The following NPC1L1 variants were observed in gnomAD, a reference collection of about 807,000 sequenced individuals.
The protein encoded by NPC1L1 is NPC1 like intracellular cholesterol transporter 1.
Under a neutral mutation model 117.0 loss-of-function variants are expected in NPC1L1, and 98 were observed. The ratio of observed to expected loss-of-function variants is 0.84; its 90% CI spans 0.71 to 0.99. The LOEUF is 0.99. Ranked by LOEUF, NPC1L1 falls within the 50% of genes least tolerant of loss-of-function variation. NPC1L1 has a pLI of 0.00. For missense variants in NPC1L1, 1,540 were observed against 1,710.0 expected (o/e 0.90, Z 1.75); for synonymous variants, 729 against 727.6 (o/e 1.00, Z -0.03).
In NPC1L1 at chr7:44,533,794, C is replaced by A; in HGVS notation, c.2226G>T (p.Arg742Ser). 1 of 1,614,026 alleles carries A rather than the reference C, an allele frequency of 6.2e-7. No individual in the cohort carries two copies. The highest frequency in any genetic ancestry group is 1.3e-5 in the African/African-American group (1 of 75,068). The part of the protein sequence containing the change: ...REVHIGRALG[R>S]VAPSMLLCSL... ...TGCACAACAGCATGCTGGGAGCCAC[C>A]CTGCCTAGGGCTCGCCCAATGTGGA... is the stretch of plus-strand genomic sequence containing the variant. Residue 742 changes from arginine to serine, a missense_variant, in exon 7 of 19, where the codon AGG becomes AGT. Around this residue, in one of 3 missense-constraint regions of NPC1L1, gnomAD observed 742 missense variants for 873.6 expected, o/e 0.85. Coordinates refer to ENST00000381160, the MANE Select transcript of NPC1L1 (RefSeq NM_001101648.2).
rs1308688848 is a variant in NPC1L1 at position 44,538,515 on chromosome 7, G to T, written c.1580+302C>A. 6.6e-6 allele frequency among the ~76,000 whole-genome samples: 1 copy of T among 152,256 alleles called. No individual in the cohort carries two copies. ...GGCTCCTCTGTCAGACTTAAAGCAA[G>T]AGTGTGGCAGGGAGCTCCCACATGT... On this transcript the variant is annotated intron_variant, in intron 2 of 18. Transcript: ENST00000381160. The surrounding 1 kb of genome is among the most constrained non-coding windows in gnomAD (Gnocchi z 5.9).
In NPC1L1 at chr7:44,538,668, T is replaced by G. The variant is rs1801973318; in HGVS notation, c.1580+149A>C. The G allele has an allele frequency of 5.1e-6, 4 of 781,226 alleles. No individual in the cohort carries two copies. In the South Asian group the frequency reaches 5.9e-5, roughly 12 times the overall value. 48.4% of individuals were successfully genotyped at this position (781,226 alleles called of 1,614,324 possible). ...GCGGCCGGACGAGGGGCAGAGATAA[T>G]CATCTGGGCGGCCCCAGGCCAGAGC... On this transcript the variant is annotated intron_variant, in intron 2 of 18. Transcript: ENST00000381160. The surrounding 1 kb of genome is among the most constrained non-coding windows in gnomAD (Gnocchi z 5.9).
intron 12 of NPC1L1, 60 bp from the exon 13 acceptor site, chr7:44,521,178 G>A (rs1801342628): frequency 6.2e-7 from 1 of 1,610,362 alleles, no homozygotes; most frequent in African/African-American, 1.3e-5. Flanking sequence ...CCTGCTTTGT[G>A]CCCCTCCTTC....
intron 10 of NPC1L1, among the ~76,000 whole-genome samples, chr7:44,524,884 CA>C (rs1801463228): frequency 6.6e-6 from 1 of 151,468 alleles, no homozygotes; most frequent in African/African-American, 2.4e-5. Context: ...TAAAAAAGAG[CA>C]AAAAAACTCT....
Position 44,538,324 on chromosome 7 carries a change from C to A in NPC1L1, c.1580+493G>T, listed in dbSNP as rs937328882. On this transcript the variant is annotated intron_variant, in intron 2 of 18. Coordinates refer to ENST00000381160, the MANE Select transcript of NPC1L1 (RefSeq NM_001101648.2). This position sits in a 1 kb window ranked among gnomAD's most constrained non-coding sequence, Gnocchi z 5.9. ...GAAGTGTGTGTGGCTGTGGCCTACC[C>A]CAGGACACCCGGCCCAGGTGCCTGA... Among the ~76,000 whole-genome samples the A allele has an allele frequency of 6.6e-6, 1 of 152,234 alleles. No homozygotes were observed. The highest frequency in any genetic ancestry group is 2.4e-5 in the African/African-American group (1 of 41,466).
intron 2 of NPC1L1, 119 bp from the exon 3 acceptor site, chr7:44,537,061 G>C (rs576385840): frequency 4.0e-6 from 3 of 758,718 alleles, no homozygotes; most frequent in Admixed American, 5.6e-5. Context: ...CTGGTGGGGT[G>C]GGGGACACTG....
chr7:44,523,607 T>C (rs535563605), intron 10 of NPC1L1, among the ~76,000 whole-genome samples: 21 of 152,182 alleles, frequency 1.4e-4, no homozygotes, highest in African/African-American at 4.6e-4. Flanking sequence ...GGCTTACACT[T>C]GTAATTTCAG....
Position 44,534,686 on chromosome 7 carries a change from C to A in NPC1L1, c.1984-57G>T, listed in dbSNP as rs1347565791. The A allele has an allele frequency of 6.3e-7, 1 of 1,588,774 alleles. No individual in the cohort carries two copies. On this transcript the variant is annotated intron_variant, in intron 5 of 18. Coordinates refer to ENST00000381160, the MANE Select transcript of NPC1L1 (RefSeq NM_001101648.2). The surrounding 1 kb of genome is among the most constrained non-coding windows in gnomAD (Gnocchi z 5.2). ...ACTTAGCACCTACCCAGTATGCCCA[C>A]CAGCCTCAGCTAGGCCAGACAAAGT...
chr7:44,514,262 G>A (rs896652504), intron 18 of NPC1L1, among the ~76,000 whole-genome samples: 1 of 152,184 alleles, frequency 6.6e-6, no homozygotes, highest in African/African-American at 2.4e-5. Context: ...TGCCCACCCT[G>A]AGAGCCAGAA....
Position 44,521,566 on chromosome 7 carries a change from C to T in NPC1L1, c.2953+146G>A, listed in dbSNP as rs543375895. ...GGTGCTTCTCACAGAGTGCCTGTCC[C>T]TCAGGCCACATCTGCACCCATGCCC... On this transcript the variant is annotated intron_variant, in intron 12 of 18. Transcript: ENST00000381160. The T allele has an allele frequency of 6.0e-6, 8 of 1,326,214 alleles. 1 individual carries two copies. The South Asian group carries it at 8.4e-5, about 14-fold the overall frequency. 82.2% of individuals were successfully genotyped at this position (1,326,214 alleles called of 1,614,324 possible).
chr7:44,536,766 TC>T lies in NPC1L1; in HGVS notation c.1681+75del. On this transcript the variant is annotated intron_variant, in intron 3 of 18. Transcript: ENST00000381160. This position sits in a 1 kb window ranked among gnomAD's most constrained non-coding sequence, Gnocchi z 4.7. Reference sequence around the variant, plus strand: ...AGGCCGCGAGAATCCCCAGCACCACTCCCACCCTCCCGTCTATGGTTCCTGC... The same window carrying T: ...AGGCCGCGAGAATCCCCAGCACCACTCCACCCTCCCGTCTATGGTTCCTGC... 1 of 1,325,310 alleles carries T rather than the reference TC, an allele frequency of 7.5e-7. No homozygotes were observed. Among genetic ancestry groups the T allele is most frequent in the Non-Finnish European group, 1.1e-6 (1 of 922,980 alleles). 82.1% of individuals were successfully genotyped at this position (1,325,310 alleles called of 1,614,324 possible). A position where few individuals can be genotyped will look rare whatever the true frequency, so the allele number is the denominator to read the frequency against.
Position 44,513,556 on chromosome 7 carries a change from G to T in NPC1L1, c.3890C>A (p.Ser1297Tyr), listed in dbSNP as rs750128847. Residue 1297 changes from serine to tyrosine, a missense_variant, in exon 19 of 19, where the codon TCC (serine) becomes TAC (tyrosine). Ser to Tyr is a moderately radical substitution (Grantham distance 144). Around this residue, in one of 3 missense-constraint regions of NPC1L1, gnomAD observed 742 missense variants for 873.6 expected, o/e 0.85. Coordinates refer to ENST00000381160, the MANE Select transcript of NPC1L1 (RefSeq NM_001101648.2). ...GATGTTGTCAGCTGTGGAGACTCGG[G>T]AGGGGTGATTTGGGCAAGAGGCCAC... The part of the protein sequence containing the change: ...VMVASCPNHP[S>Y]RVSTADNIYV... 1 of 1,614,030 alleles carries T rather than the reference G, an allele frequency of 6.2e-7. No homozygotes were observed. Among genetic ancestry groups the T allele is most frequent in the African/African-American group, 1.3e-5 (1 of 74,920 alleles).
Position 44,538,874 on chromosome 7 carries a change from G to A in NPC1L1, c.1523C>T (p.Thr508Ile). 1 of 1,614,224 alleles carries A rather than the reference G, an allele frequency of 6.2e-7. No homozygotes were observed. Among genetic ancestry groups the A allele is most frequent in the Admixed American group, 1.7e-5 (1 of 60,032 alleles). Residue 508 changes from threonine (T) to isoleucine (I), a missense_variant, in exon 2 of 19, where the codon ACA (threonine) becomes ATA (isoleucine). This residue lies in a region of NPC1L1 where 793 missense variants were observed against 820.4 expected (regional missense o/e 0.97). Coordinates refer to ENST00000381160, the MANE Select transcript of NPC1L1 (RefSeq NM_001101648.2). This position sits in a 1 kb window ranked among gnomAD's most constrained non-coding sequence, Gnocchi z 5.9. ...RTLLLLTANQ[T>I]LMGQTSQVDW... ...GACTTGGGAGGTCTGCCCCATCAGT[G>A]TCTGGTTGGCTGTGAGCAGCAGGAG... is the stretch of plus-strand genomic sequence containing the variant.
At position 44,522,051 on chromosome 7, in the gene NPC1L1, C is replaced by T; in HGVS notation, c.2828+1G>A. 1 of 1,613,720 alleles carries T rather than the reference C, an allele frequency of 6.2e-7. No homozygotes were observed. Among genetic ancestry groups the T allele is most frequent in the Non-Finnish European group, 8.5e-7 (1 of 1,179,812 alleles). On this transcript the variant is annotated splice_donor_variant, in intron 11 of 18. Transcript: ENST00000381160. LOFTEE classifies it high-confidence loss of function. ...GGGTTTGGGGCGGGCCAGGAACTCA[C>T]TGCTCAGGGAACTCTGTGGCATACT...
rs1202320163 is a variant in NPC1L1 at position 44,520,836 on chromosome 7, G to A, written c.3081-16C>T. 1 of 1,613,984 alleles carries A rather than the reference G, an allele frequency of 6.2e-7. No individual in the cohort carries two copies. Among genetic ancestry groups the A allele is most frequent in the Non-Finnish European group, 8.5e-7 (1 of 1,179,988 alleles). ...TGCCAGGCCGCTGCAAGAAGGTCAGGGCAAAGGCTTAGCCAGGGACGAAGC... is the reference window on the plus strand; with the variant it reads ...TGCCAGGCCGCTGCAAGAAGGTCAGAGCAAAGGCTTAGCCAGGGACGAAGC... On this transcript the variant is annotated splice_polypyrimidine_tract_variant and intron_variant, in intron 13 of 18. Transcript: ENST00000381160.
intron 13 of NPC1L1, 75 bp downstream of exon 13, chr7:44,520,917 C>G: frequency 6.2e-7 from 1 of 1,612,612 alleles, no homozygotes; most frequent in Non-Finnish European, 8.5e-7. Context: ...TAGCCTCCTC[C>G]TGCCTCTCTA....
intron 10 of NPC1L1, among the ~76,000 whole-genome samples, chr7:44,526,444 G>T (rs1198555677): frequency 6.6e-6 from 1 of 150,722 alleles, no homozygotes; most frequent in East Asian, 2.0e-4. Flanking sequence ...AGCTACTTTG[G>T]AGGCTGAGGT....
At chr7:44,524,920 A>C (rs1801464079) in intron 10 of NPC1L1, among the ~76,000 whole-genome samples, 1 of 152,120 alleles carries the variant, frequency 6.6e-6, no homozygotes. Context: ...CAGTAACTTA[A>C]ATGAAAAATT....
chr7:44,522,655 C>A (rs1364497529), intron 10 of NPC1L1, among the ~76,000 whole-genome samples: 8 of 151,948 alleles, frequency 5.3e-5, no homozygotes, highest in African/African-American at 1.9e-4. Context: ...TAGGTGTACC[C>A]CCAGATGAAC....
Sources: allele counts gnomAD v4.1 joint callset (sites outside exome capture counted in the v4.1 genomes callset), GRCh38; gene constraint gnomAD v4.1.1; regional missense constraint gnomAD v4.1.1; non-coding constraint Gnocchi (gnomAD v3.1); transcripts MANE v1.5; gene names NCBI Gene and HGNC (gene_info 2026-07-23, HGNC 2026-07-21).